Variants in ADGRE1 observed in about 807,000 individuals in gnomAD.
The protein encoded by ADGRE1 is adhesion G protein-coupled receptor E1.
A neutral mutation model predicts 102.7 loss-of-function variants in ADGRE1; 82 were observed. The observed-to-expected ratio is 0.80, with a 90% CI of 0.67 to 0.96. The LOEUF (loss-of-function observed/expected upper bound fraction) is 0.96. Ranked by LOEUF, ADGRE1 falls within the 40% of genes least tolerant of loss-of-function variation. ADGRE1 has a pLI of 0.00. For missense variants in ADGRE1, 1,032 were observed against 1,085.3 expected (o/e 0.95, Z 0.69); for synonymous variants, 398 against 399.6 (o/e 1.00, Z 0.05).
chr19:6,907,876 G>C (rs1406236633), intron 9 of ADGRE1, among the ~76,000 whole-genome samples: 1 of 152,184 alleles, frequency 6.6e-6, no homozygotes, highest in Non-Finnish European at 1.5e-5. Context: ...TTTTATGGCT[G>C]AATAATATTC....
At chr19:6,912,155 TACAC>T (rs1473570307) in intron 10 of ADGRE1, among the ~76,000 whole-genome samples, 2 of 151,458 alleles carry the variant, frequency 1.3e-5, no homozygotes, top group Admixed American at 6.6e-5. Flanking sequence ...TACATAGACA[TACAC>T]AGAGATATAC....
chr19:6,936,289 A>G (rs1975397511), intron 18 of ADGRE1, among the ~76,000 whole-genome samples: 1 of 151,940 alleles, frequency 6.6e-6, no homozygotes, highest in South Asian at 2.1e-4. Flanking sequence ...ACAAAAAATT[A>G]GCCGGGCATG....
rs551531910 is a variant in ADGRE1 at position 6,898,318 on chromosome 19, T to A, written c.514+771T>A. 1.3e-5 allele frequency: 20 copies of A among 1,597,352 alleles called. No individual in the cohort carries two copies. The African/African-American group carries it at 2.7e-4, about 21-fold the overall frequency. On this transcript the variant is annotated intron_variant, in intron 5 of 20. Coordinates refer to ENST00000312053, the MANE Select transcript of ADGRE1 (RefSeq NM_001974.5). Reference sequence around the variant, plus strand: ...AATTCTCTGTCTAGATATTGATGAATGTTCTCAAAGCCCCCAGCCCTGTGG... The same window carrying A: ...AATTCTCTGTCTAGATATTGATGAAAGTTCTCAAAGCCCCCAGCCCTGTGG...
At chr19:6,912,127 C>T (rs1029226563) in intron 10 of ADGRE1, among the ~76,000 whole-genome samples, 1 of 151,936 alleles carries the variant, frequency 6.6e-6, no homozygotes, top group Non-Finnish European at 1.5e-5. Flanking sequence ...TACACAAACA[C>T]ACATACATAC....
At position 6,935,694 on chromosome 19, in the gene ADGRE1, C is replaced by A. The variant is rs142355496; in HGVS notation, c.2381+616C>A. Among the ~76,000 whole-genome samples the A allele has an allele frequency of 4.9e-4, 75 of 152,188 alleles. 1 individual carries two copies. The East Asian group carries it at 0.013, about 26-fold the overall frequency. Reference sequence around the variant, plus strand: ...CCCTTGTAGGTAAATCCTTCCACACCATGGTTATTTAATTACAACACTAAA... The same window carrying A: ...CCCTTGTAGGTAAATCCTTCCACACAATGGTTATTTAATTACAACACTAAA... On this transcript the variant is annotated intron_variant, in intron 18 of 20. Coordinates refer to ENST00000312053, the MANE Select transcript of ADGRE1 (RefSeq NM_001974.5).
At chr19:6,894,287 C>G (rs1390874346) in intron 2 of ADGRE1, among the ~76,000 whole-genome samples, 2 of 152,178 alleles carry the variant, frequency 1.3e-5, no homozygotes, top group African/African-American at 4.8e-5. Context: ...ACCTGGGAGC[C>G]TGCTCCCACC....
intron 6 of ADGRE1, among the ~76,000 whole-genome samples, chr19:6,902,474 T>C (rs892208232): frequency 6.6e-6 from 1 of 152,194 alleles, no homozygotes; most frequent in Non-Finnish European, 1.5e-5. Flanking sequence ...GGAGTCTTGC[T>C]CTGTTGCCCA....
intron 8 of ADGRE1, 21 bp downstream of exon 8, chr19:6,904,203 C>T (rs776614177): frequency 2.5e-6 from 4 of 1,610,148 alleles, no homozygotes; most frequent in African/African-American, 1.3e-5. Flanking sequence ...CTTTGTATGT[C>T]TTGGCAATGG....
At chr19:6,905,360 C>CT (rs71177126) in intron 8 of ADGRE1, among the ~76,000 whole-genome samples, 55,993 of 134,246 alleles carry the variant, frequency 0.42, 13,408 homozygotes, top group African/African-American at 0.67. Flanking sequence ...GTTTTTTTTT[C>CT]TTTTTTTTTT....
chr19:6,896,446 C>G lies in ADGRE1; in HGVS notation c.143C>G (p.Thr48Ser). The G allele has an allele frequency of 3.7e-6, 6 of 1,614,120 alleles. No individual in the cohort carries two copies. Among genetic ancestry groups the G allele is most frequent in the Non-Finnish European group, 5.1e-6 (6 of 1,180,004 alleles). The change falls in exon 3 of 21, where the codon ACC becomes AGC. Residue 48 changes from threonine to serine, a missense_variant. Physicochemically the swap from Thr to Ser is moderately conservative, Grantham distance 58. Coordinates refer to ENST00000312053, the MANE Select transcript of ADGRE1 (RefSeq NM_001974.5). ...STLCPAYATC[T>S]NTVDSYYCAC... Reference sequence around the variant, plus strand: ...TTGTGCCCAGCTTATGCCACCTGCACCAATACAGTGGACAGTTACTATTGC... The same window carrying G: ...TTGTGCCCAGCTTATGCCACCTGCAGCAATACAGTGGACAGTTACTATTGC...
In ADGRE1 at chr19:6,937,321, T is replaced by C. The variant is rs1599776015; in HGVS notation, c.2460T>C (p.Pro820=). 1.2e-6 allele frequency: 2 copies of C among 1,614,150 alleles called. No homozygotes were observed. Among genetic ancestry groups the C allele is most frequent in the South Asian group, 1.1e-5 (1 of 91,082 alleles). The part of the protein sequence containing the change: ...SWVLGIFQIG[P]VAGVMAYLFT... Reference sequence around the variant, plus strand: ...TGCTGGGCATTTTTCAGATTGGACCTGTGGCAGGTGTCATGGCTTACCTGT... The same window carrying C: ...TGCTGGGCATTTTTCAGATTGGACCCGTGGCAGGTGTCATGGCTTACCTGT... Residue 820 remains proline, a synonymous_variant, in exon 19 of 21, where the codon CCT becomes CCC. Transcript: ENST00000312053.
chr19:6,900,753 A>G (rs545451017), intron 5 of ADGRE1, among the ~76,000 whole-genome samples: 38 of 152,286 alleles, frequency 2.5e-4, no homozygotes, highest in Non-Finnish European at 4.7e-4. Context: ...AGCCCTCATT[A>G]TATCCCCCTG....
intron 15 of ADGRE1, among the ~76,000 whole-genome samples, chr19:6,925,336 T>A (rs1260587217): frequency 1.3e-5 from 2 of 152,210 alleles, no homozygotes; most frequent in Non-Finnish European, 2.9e-5. Flanking sequence ...TTGGCCAGGC[T>A]AGTCCTGAAC....
At chr19:6,937,175 T>TG in intron 18 of ADGRE1, 68 bp from the exon 19 acceptor site, 7 of 1,540,274 alleles carry the variant, frequency 4.5e-6, no homozygotes, top group Non-Finnish European at 6.2e-6. Flanking sequence ...AGACCATTCC[T>TG]GGAAGTGTGG....
chr19:6,908,931 C>G (rs1464565974), intron 10 of ADGRE1, among the ~76,000 whole-genome samples, 159 bp downstream of exon 10: 1 of 151,912 alleles, frequency 6.6e-6, no homozygotes, highest in East Asian at 1.9e-4. Context: ...GTCAGGAGTT[C>G]AAGACCAGCC....
At chr19:6,890,379 TG>T in intron 1 of ADGRE1, 101 bp from the exon 2 acceptor site, 2 of 1,142,974 alleles carry the variant, frequency 1.7e-6, no homozygotes, top group Non-Finnish European at 2.4e-6. Flanking sequence ...CCTATTTCTG[TG>T]GGGCCAAGCC....
rs745484883 is a variant in ADGRE1 at position 6,913,740 on chromosome 19, G to T, written c.1210G>T (p.Val404Phe). 3 of 1,613,384 alleles carry T rather than the reference G, an allele frequency of 1.9e-6. No individual in the cohort carries two copies. The highest frequency in any genetic ancestry group is 2.2e-5 in the South Asian group (2 of 90,808). The change falls in exon 11 of 21, where the codon GTC becomes TTC. Residue 404 changes from valine (V) to phenylalanine (F), a missense_variant. Coordinates refer to ENST00000312053, the MANE Select transcript of ADGRE1 (RefSeq NM_001974.5). ...GGAAGAGACGTCCTCCCTGGCCACAGTCTTCCTGGAGAGTGTGGAAAGCAT... is the reference window on the plus strand; with the variant it reads ...GGAAGAGACGTCCTCCCTGGCCACATTCTTCCTGGAGAGTGTGGAAAGCAT... ...TKEETSSLAT[V>F]FLESVESMTL...
rs1973658716 is a variant in ADGRE1 at position 6,898,628 on chromosome 19, C to T, written c.514+1081C>T. 21 of 1,440,508 alleles carry T rather than the reference C, an allele frequency of 1.5e-5. No individual in the cohort carries two copies. In the South Asian group the frequency reaches 2.4e-4, roughly 16 times the overall value. The allele number at this position is 1,440,508 out of a possible 1,614,324, so 89.2% of individuals were successfully genotyped here. A position where few individuals can be genotyped will look rare whatever the true frequency, so the allele number is the denominator to read the frequency against. On this transcript the variant is annotated intron_variant, in intron 5 of 20. Transcript: ENST00000312053. ...ACCAGCAGCGTCTGCCCTGAGCATTCTGACTGTGTCAACTCCATGGGAAGC... is the reference window on the plus strand; with the variant it reads ...ACCAGCAGCGTCTGCCCTGAGCATTTTGACTGTGTCAACTCCATGGGAAGC...
Position 6,896,381 on chromosome 19 carries a change from C to T in ADGRE1, c.95-17C>T, listed in dbSNP as rs775079847. 5 of 1,612,308 alleles carry T rather than the reference C, an allele frequency of 3.1e-6. No homozygotes were observed. Among genetic ancestry groups the T allele is most frequent in the Non-Finnish European group, 3.4e-6 (4 of 1,178,746 alleles). ...ATGCTCTAATCTTGTCTAAACTTTT[C>T]TTTATACACTGCCTAGGTAATAACT... On this transcript the variant is annotated splice_polypyrimidine_tract_variant and intron_variant, in intron 2 of 20. Coordinates refer to ENST00000312053, the MANE Select transcript of ADGRE1 (RefSeq NM_001974.5).
Sources: gnomAD v4.1 joint callset for allele counts (sites outside exome capture counted in the v4.1 genomes callset) on GRCh38, gnomAD v4.1.1 for gene constraint, MANE v1.5 for transcripts, NCBI Gene and HGNC (gene_info 2026-07-23, HGNC 2026-07-21) for gene names.